The following FAM53A variants were observed in gnomAD, a reference collection of about 807,000 sequenced individuals.
FAM53A encodes protein FAM53A.
In FAM53A, 28 loss-of-function variants were observed where a neutral mutation model predicts 26.6. That is an observed-to-expected ratio of 1.05 (90% CI 0.78 to 1.45). The LOEUF (loss-of-function observed/expected upper bound fraction) is 1.45. Among genes scored for constraint, FAM53A ranks in the 40% most tolerant of loss-of-function variants. The pLI, the probability that FAM53A is intolerant of heterozygous loss-of-function variation, is 0.00. For synonymous variants in FAM53A, 290 were observed against 253.1 expected (o/e 1.15, Z -1.38); for missense variants, 650 against 575.8 (o/e 1.13, Z -1.32).
chr4:1,655,163 C>T lies in FAM53A; in HGVS notation c.697G>A (p.Gly233Ser). 1 of 1,576,308 alleles carries T rather than the reference C, an allele frequency of 6.3e-7. No individual in the cohort carries two copies. Among genetic ancestry groups the T allele is most frequent in the Non-Finnish European group, 8.6e-7 (1 of 1,166,104 alleles). Residue 233 changes from glycine to serine, a missense_variant, in exon 4 of 5, where the codon GGC becomes AGC. Physicochemically the swap from Gly to Ser is moderately conservative, Grantham distance 56. Transcript: ENST00000308132. ...CTGCTGGCCCAGGGCAGGGGAGTGC[C>T]CGCACCCGCGAGTCGCTCCTGTGAG... ...SLSQERLAGAGTPLPWASSSP... is the reference protein window; with the variant it reads ...SLSQERLAGASTPLPWASSSP...
intron 1 of FAM53A, among the ~76,000 whole-genome samples, chr4:1,619,433 C>A (rs758971382): frequency 5.3e-5 from 8 of 152,212 alleles, no homozygotes; most frequent in Non-Finnish European, 1.2e-4. Flanking sequence ...CTCCCTTGCC[C>A]AGCTCGGCGT....
At chr4:1,674,978 A>G (rs1455678413) in intron 1 of FAM53A, among the ~76,000 whole-genome samples, 2 of 152,240 alleles carry the variant, frequency 1.3e-5, no homozygotes, top group African/African-American at 4.8e-5. Flanking sequence ...GGGAAAGCCC[A>G]GAGATACAGA....
intron 4 of FAM53A, among the ~76,000 whole-genome samples, chr4:1,646,997 C>G (rs1712304001): frequency 6.6e-6 from 1 of 152,198 alleles, no homozygotes; most frequent in Non-Finnish European, 1.5e-5. Context: ...ATTTTAATTT[C>G]AACTTTGAAA....
At chr4:1,626,576 G>A (rs1304022136) in intron 1 of FAM53A, among the ~76,000 whole-genome samples, 1 of 144,942 alleles carries the variant, frequency 6.9e-6, no homozygotes, top group African/African-American at 2.5e-5. Context: ...GGGAGGACCT[G>A]GGACAGTGTA....
intron 2 of FAM53A, among the ~76,000 whole-genome samples, chr4:1,665,399 G>C (rs1205216396): frequency 2.0e-5 from 3 of 151,040 alleles, no homozygotes; most frequent in Non-Finnish European, 4.4e-5. Context: ...TGAGGCGAGA[G>C]AATCGCTTGA....
intron 1 of FAM53A, among the ~76,000 whole-genome samples, chr4:1,677,146 C>A (rs1715101119): frequency 6.6e-6 from 1 of 152,184 alleles, no homozygotes; most frequent in Admixed American, 6.5e-5. Context: ...CACCTCTTCT[C>A]TCCTCCACTT....
downstream of FAM53A, among the ~76,000 whole-genome samples, chr4:1,615,332 C>CAGAAGACAGGA (rs1560100397): frequency 9.2e-5 from 13 of 141,300 alleles, no homozygotes; most frequent in Non-Finnish European, 1.1e-4. Context: ...TGGGCGCACA[C>CAGAAGACAGGA]TGAAGACAGG....
chr4:1,661,898 G>A (rs984753750), intron 2 of FAM53A, among the ~76,000 whole-genome samples: 3 of 152,130 alleles, frequency 2.0e-5, no homozygotes, highest in East Asian at 1.9e-4. Context: ...TCTTGGTGGC[G>A]CAGAGGAACC....
intron 4 of FAM53A, among the ~76,000 whole-genome samples, chr4:1,647,321 C>T (rs990938573): frequency 6.8e-6 from 1 of 148,004 alleles, no homozygotes; most frequent in Non-Finnish European, 1.5e-5. Context: ...GGTGACAGAG[C>T]GAGACTCCAT....
downstream of FAM53A, among the ~76,000 whole-genome samples, chr4:1,634,900 C>CA (rs57835658): frequency 0.036 from 5,055 of 141,506 alleles, 169 homozygotes; most frequent in African/African-American, 0.074. Context: ...AACTCTGTCT[C>CA]AAAAAAAAAA....
At chr4:1,635,037 G>C (rs553737379), downstream of FAM53A, among the ~76,000 whole-genome samples, 28 of 152,298 alleles carry the variant, frequency 1.8e-4, no homozygotes, top group South Asian at 5.8e-3. Context: ...TCAGTTTTTA[G>C]CAATTTTTTC....
At position 1,641,289 on chromosome 4, in the gene FAM53A, A is replaced by G; in HGVS notation, c.*4T>C. On this transcript the variant is annotated 3_prime_UTR_variant, in exon 5 of 5. Transcript: ENST00000308132. Reference sequence around the variant, plus strand: ...GCCATGGCCCCGACCAGCCCCCACCAGCCTCAGTTGTTCTCGATCTGCTCC... The same window carrying G: ...GCCATGGCCCCGACCAGCCCCCACCGGCCTCAGTTGTTCTCGATCTGCTCC... The G allele has an allele frequency of 6.2e-7, 1 of 1,612,838 alleles. No individual in the cohort carries two copies. The highest frequency in any genetic ancestry group is 8.5e-7 in the Non-Finnish European group (1 of 1,179,838).
At chr4:1,600,906 C>A in the FAM53A span, among the ~76,000 whole-genome samples, 2 of 152,214 alleles carry the variant, frequency 1.3e-5, no homozygotes, top group African/African-American at 2.4e-5. Context: ...CGGCTCCTGT[C>A]AGGCCCAGGC....
chr4:1,660,170 C>A, intron 2 of FAM53A, among the ~76,000 whole-genome samples: 1 of 152,100 alleles, frequency 6.6e-6, no homozygotes, highest in East Asian at 1.9e-4. Flanking sequence ...GTAATCCCAG[C>A]TACTTGGGAG....
chr4:1,629,223 A>T (rs1715500731), intron 1 of FAM53A, among the ~76,000 whole-genome samples: 1 of 152,034 alleles, frequency 6.6e-6, no homozygotes, highest in Non-Finnish European at 1.5e-5. Flanking sequence ...CTGGGACCCC[A>T]GGGGGTCTGC....
At chr4:1,657,258 G>A (rs910818026) in intron 3 of FAM53A, 150 bp downstream of exon 3, 12 of 694,552 alleles carry the variant, frequency 1.7e-5, no homozygotes, top group Admixed American at 1.1e-4. Flanking sequence ...GACGGCAGCA[G>A]GGACCACCCC....
chr4:1,585,276 CTTTT>C, the FAM53A span, among the ~76,000 whole-genome samples: 1,493 of 75,978 alleles, frequency 0.02, 16 homozygotes, highest in African/African-American at 0.059. Flanking sequence ...CTCTCTCTCT[CTTTT>C]TTTTTTTTTT....
At chr4:1,579,719 G>A in the FAM53A span, among the ~76,000 whole-genome samples, 1 of 152,162 alleles carries the variant, frequency 6.6e-6, no homozygotes, top group Non-Finnish European at 1.5e-5. Context: ...CGCGAGCCAC[G>A]GCCACGCGTG....
Position 1,659,698 on chromosome 4 carries a change from T to G in FAM53A, c.76-2230A>C, listed in dbSNP as rs1382715196. On this transcript the variant is annotated intron_variant, in intron 2 of 4. Transcript: ENST00000308132. The surrounding 1 kb of genome is among the most constrained non-coding windows in gnomAD (Gnocchi z 5.2). ...CAGGGGGCTTGTCAAAAACACTTAT[T>G]CCTCACAGTCCTGGAGGCAGAAGTC... 1.3e-5 allele frequency among the ~76,000 whole-genome samples: 2 copies of G among 152,048 alleles called. No homozygotes were observed. Among genetic ancestry groups the G allele is most frequent in the Non-Finnish European group, 2.9e-5 (2 of 67,988 alleles).
Sources: gnomAD v4.1 joint callset for allele counts (sites outside exome capture counted in the v4.1 genomes callset) on GRCh38, gnomAD v4.1.1 for gene constraint, Gnocchi (gnomAD v3.1) non-coding constraint, MANE v1.5 for transcripts, NCBI Gene and HGNC (gene_info 2026-07-23, HGNC 2026-07-21) for gene names.